The following CCDC141 variants were observed in gnomAD, a reference collection of about 807,000 sequenced individuals.
CCDC141 encodes the protein coiled-coil domain-containing protein 141.
A neutral mutation model predicts 181.0 loss-of-function variants in CCDC141; 168 were observed. The ratio of observed to expected loss-of-function variants is 0.93; its 90% confidence interval spans 0.82 to 1.05. The LOEUF is 1.05. Ranked by LOEUF, CCDC141 falls within the 50% of genes least tolerant of loss-of-function variation. The pLI is 0.00. For synonymous variants in CCDC141, 666 were observed against 642.3 expected, an observed-to-expected ratio of 1.04 and a Z score of -0.56; for missense variants, 1,902 against 1,788.5, an observed-to-expected ratio of 1.06 and a Z score of -1.14.
chr2:179,021,882 C>T (rs1008238986), intron 2 of CCDC141, among the ~76,000 whole-genome samples: 3 of 152,146 alleles, frequency 2.0e-5, no homozygotes, highest in Admixed American at 6.5e-5. Context: ...ATATTTTCTT[C>T]TCAGTTTACT....
At chr2:178,856,469 GC>G (rs1485295951) in intron 17 of CCDC141, 72 bp from the exon 18 acceptor site, 18 of 1,147,956 alleles carry the variant, frequency 1.6e-5, no homozygotes, top group Non-Finnish European at 2.1e-5. Flanking sequence ...ATAAATCAAA[GC>G]ATCTGAACAC....
intron 7 of CCDC141, among the ~76,000 whole-genome samples, chr2:178,917,203 T>C (rs537618780): frequency 4.6e-5 from 7 of 152,336 alleles, no homozygotes; most frequent in African/African-American, 9.6e-5. Flanking sequence ...TTTTGAAGAA[T>C]GAATATGCAG....
intron 2 of CCDC141, among the ~76,000 whole-genome samples, chr2:179,034,355 G>T (rs1194084864): frequency 6.6e-6 from 1 of 152,152 alleles, no homozygotes; most frequent in African/African-American, 2.4e-5. Flanking sequence ...GGAGGGTAGA[G>T]GGTGGGAGGA....
rs1691225976 is a variant in CCDC141, at chr2:178,978,577, A to G, written c.324T>C (p.Thr108=). Residue 108 remains threonine, a synonymous_variant, in exon 3 of 24, where the codon ACT becomes ACC. Transcript: ENST00000443758. The stretch of plus-strand genomic sequence containing the variant: ...CCAGAGCTGCCCATGCTTCACCCAG[A>G]GTCTCGGCCATGGCATCATAGACCT... The part of the protein sequence containing the change: ...QSQVYDAMAE[T]LGEAWAALVS... 3 of 1,550,098 alleles carry G rather than the reference A, an allele frequency of 1.9e-6. No homozygotes were observed. Among genetic ancestry groups the G allele is most frequent in the Non-Finnish European group, 2.6e-6 (3 of 1,146,750 alleles).
intron 17 of CCDC141, 140 bp from the exon 18 acceptor site, chr2:178,856,537 C>CT: frequency 4.2e-6 from 2 of 481,770 alleles, no homozygotes; most frequent in Non-Finnish European, 7.2e-6. Context: ...TCCCTCCCTC[C>CT]CTCTCTCTTT....
At position 179,015,239 on chromosome 2, in the gene CCDC141, T is replaced by TA. The variant is rs2042435998; in HGVS notation, c.225+32044dup. Among the ~76,000 whole-genome samples the TA allele has an allele frequency of 9.3e-5, 11 of 118,868 alleles. No homozygotes were observed. In the Admixed American group the frequency reaches 1.1e-3, roughly 11 times the overall value. The allele number at this position is 118,868 out of a possible 152,430, so 78.0% of individuals were successfully genotyped here. A position where few individuals can be genotyped will look rare whatever the true frequency, so the allele number is the denominator to read the frequency against. On this transcript the variant is annotated intron_variant, in intron 2 of 23. Coordinates refer to ENST00000443758, the MANE Select transcript of CCDC141 (RefSeq NM_173648.4). The stretch of plus-strand genomic sequence containing the variant: ...ATATCTCATATATACCTCATATATA[T>TA]ATCTCATATATATCTCATATATATC...
Position 178,961,427 on chromosome 2 carries a change from T to A in CCDC141, c.583A>T (p.Ile195Leu), listed in dbSNP as rs913970982. The A allele has an allele frequency of 4.5e-6, 7 of 1,550,368 alleles. No individual in the cohort carries two copies. The highest frequency in any genetic ancestry group is 1.4e-5 in the African/African-American group (1 of 73,040). ...GGTCCTTCACACTTGAATTTTTCTATGAAGTCAGTGAGTTGTTGACTTTTG... is the reference window on the plus strand; with the variant it reads ...GGTCCTTCACACTTGAATTTTTCTAAGAAGTCAGTGAGTTGTTGACTTTTG... ...LNKSQQLTDF[I>L]EKFKCEGPNV... is the part of the protein sequence containing the mutation. Residue 195 changes from isoleucine to leucine, a missense_variant, in exon 5 of 24, where the codon ATA becomes TTA. Physicochemically the swap from Ile to Leu is conservative, Grantham distance 5. Transcript: ENST00000443758.
intron 17 of CCDC141, among the ~76,000 whole-genome samples, chr2:178,864,627 C>G (rs1184528876): frequency 6.6e-6 from 1 of 152,206 alleles, no homozygotes; most frequent in African/African-American, 2.4e-5. Context: ...CACTCTTGCT[C>G]TCTTCCCCTC....
chr2:178,855,242 C>T, intron 19 of CCDC141, 105 bp downstream of exon 19: 1 of 890,840 alleles, frequency 1.1e-6, no homozygotes, highest in Non-Finnish European at 1.7e-6. Context: ...GAGCATGATA[C>T]ATGAATATAA....
intron 7 of CCDC141, among the ~76,000 whole-genome samples, chr2:178,917,365 ATCTT>A (rs1287196318): frequency 6.6e-5 from 10 of 152,178 alleles, no homozygotes; most frequent in South Asian, 2.1e-4. Flanking sequence ...CTGACAATAA[ATCTT>A]TCTTTAACAT....
chr2:178,979,908 A>G (rs908321700), intron 2 of CCDC141, among the ~76,000 whole-genome samples: 13 of 152,182 alleles, frequency 8.5e-5, no homozygotes, highest in Non-Finnish European at 1.8e-4. Flanking sequence ...AACTTTAAAT[A>G]TATAGCTAAC....
intron 7 of CCDC141, among the ~76,000 whole-genome samples, chr2:178,916,732 A>G (rs931265043): frequency 3.9e-5 from 6 of 152,134 alleles, no homozygotes; most frequent in Non-Finnish European, 7.4e-5. Flanking sequence ...TCTGAGTGCC[A>G]CTTGTCTATA....
At position 178,837,459 on chromosome 2, in the gene CCDC141, C is replaced by A; in HGVS notation, c.3760G>T (p.Gly1254Trp). 1 of 1,614,082 alleles carries A rather than the reference C, an allele frequency of 6.2e-7. No individual in the cohort carries two copies. Among genetic ancestry groups the A allele is most frequent in the Non-Finnish European group, 8.5e-7 (1 of 1,179,978 alleles). ...TGGGCATCCCCTGGGCTGCTGGTCCCAGCCTGCACCCCATAGCTGCTTATG... is the reference window on the plus strand; with the variant it reads ...TGGGCATCCCCTGGGCTGCTGGTCCAAGCCTGCACCCCATAGCTGCTTATG... The part of the protein sequence containing the change: ...LHISSYGVQA[G>W]TSSPGDAQES... Residue 1254 changes from glycine (G) to tryptophan (W), a missense_variant, in exon 23 of 24, where the codon GGG becomes TGG. Transcript: ENST00000443758.
intron 2 of CCDC141, among the ~76,000 whole-genome samples, chr2:179,005,082 C>T (rs891147846): frequency 6.6e-6 from 1 of 152,156 alleles, no homozygotes; most frequent in African/African-American, 2.4e-5. Context: ...TTCTTGAGAG[C>T]TTTTAAATCA....
chr2:178,881,361 T>C (rs571823530), intron 11 of CCDC141, among the ~76,000 whole-genome samples: 2 of 152,290 alleles, frequency 1.3e-5, no homozygotes, highest in South Asian at 2.1e-4. Flanking sequence ...TCTATAAATA[T>C]AGGAAAAATC....
Position 178,865,849 on chromosome 2 carries a change from T to C in CCDC141, c.2642A>G (p.Lys881Arg). ...QLELLEEDSM[K>R]WRAKAEEYGR... ...ATACTCCTCAGCTTTGGCACGCCAC[T>C]TCATGCTGTCCTCCTCAAGGAGCTC... is the stretch of plus-strand genomic sequence containing the variant. The change falls in exon 17 of 24, where the codon AAG becomes AGG. Residue 881 changes from lysine (K) to arginine (R), a missense_variant. Coordinates refer to ENST00000443758, the MANE Select transcript of CCDC141 (RefSeq NM_173648.4). 5 of 1,607,230 alleles carry C rather than the reference T, an allele frequency of 3.1e-6. No individual in the cohort carries two copies. Among genetic ancestry groups the C allele is most frequent in the Non-Finnish European group, 4.3e-6 (5 of 1,176,402 alleles).
chr2:178,970,443 A>T (rs931822337), intron 4 of CCDC141, among the ~76,000 whole-genome samples: 1 of 152,240 alleles, frequency 6.6e-6, no homozygotes, highest in East Asian at 1.9e-4. Flanking sequence ...ATGGAACAGA[A>T]CACAGGCCTC....
chr2:178,904,456 G>C (rs888508506), intron 8 of CCDC141, among the ~76,000 whole-genome samples: 1 of 152,128 alleles, frequency 6.6e-6, no homozygotes, highest in Non-Finnish European at 1.5e-5. Context: ...CAGAACAAGG[G>C]TTTAAACAGA....
At chr2:178,941,362 C>G (rs897123628) in intron 6 of CCDC141, among the ~76,000 whole-genome samples, 3 of 152,174 alleles carry the variant, frequency 2.0e-5, no homozygotes, top group Non-Finnish European at 4.4e-5. Flanking sequence ...TCGGAGACTC[C>G]TGAAGTCTTA....
Sources: gnomAD v4.1 joint callset for allele counts (sites outside exome capture counted in the v4.1 genomes callset) on GRCh38, gnomAD v4.1.1 for gene constraint, MANE v1.5 for transcripts, NCBI Gene and HGNC (gene_info 2026-07-23, HGNC 2026-07-21) for gene names.